WWOX: variants seen among roughly 807,000 people sequenced by gnomAD.
The protein encoded by WWOX is WW domain containing oxidoreductase.
A neutral mutation model predicts 46.2 loss-of-function variants in WWOX; 69 were observed. That is an observed-to-expected ratio of 1.49 (90% CI 1.23 to 1.82). The LOEUF (loss-of-function observed/expected upper bound fraction) is 1.82. WWOX is among the 40% of genes most tolerant of loss of function. The probability of loss-of-function intolerance (pLI) is 0.00; values close to 1 mark genes in which losing one functional copy is unlikely to be tolerated. For synonymous variants in WWOX, 359 were observed against 202.6 expected (o/e 1.77, Z -6.56); for missense variants, 919 against 542.6 (o/e 1.69, Z -6.89).
intron 8 of WWOX, among the ~76,000 whole-genome samples, chr16:79,124,683 G>A (rs73580907): frequency 0.029 from 4,484 of 152,282 alleles, 203 homozygotes; most frequent in African/African-American, 0.1. Flanking sequence ...AGGGTGATGG[G>A]TTGGGCTTAT....
chr16:79,142,877 A>T (rs955021069), intron 8 of WWOX, among the ~76,000 whole-genome samples: 2 of 151,724 alleles, frequency 1.3e-5, no homozygotes, highest in African/African-American at 2.4e-5. Flanking sequence ...TTTTATATAT[A>T]TTTTTTTACA....
chr16:78,857,558 G>A (rs2151187229), intron 8 of WWOX, among the ~76,000 whole-genome samples: 1 of 152,240 alleles, frequency 6.6e-6, no homozygotes, highest in South Asian at 2.1e-4. Context: ...ATCTACCCAA[G>A]CTGACTGTCG....
At chr16:78,358,649 C>G (rs973657882) in intron 5 of WWOX, among the ~76,000 whole-genome samples, 5 of 147,550 alleles carry the variant, frequency 3.4e-5, no homozygotes, top group African/African-American at 1.3e-4. Context: ...CAGAGCAAGA[C>G]TCCGTGTCAA....
chr16:78,452,473 CTCT>C (rs946241395), intron 8 of WWOX, among the ~76,000 whole-genome samples: 2 of 137,292 alleles, frequency 1.5e-5, no homozygotes, highest in African/African-American at 5.8e-5. Context: ...TTCTCTCTCT[CTCT>C]TTTTTTTTTT....
intron 8 of WWOX, among the ~76,000 whole-genome samples, chr16:78,690,876 G>T (rs1476465389): frequency 6.6e-6 from 1 of 152,142 alleles, no homozygotes; most frequent in Non-Finnish European, 1.5e-5. Context: ...TCTTAGCACC[G>T]TATCAATACC....
chr16:78,614,270 C>T (rs180746588), intron 8 of WWOX, among the ~76,000 whole-genome samples: 1 of 152,292 alleles, frequency 6.6e-6, no homozygotes, highest in African/African-American at 2.4e-5. Flanking sequence ...CCAGCTTGGG[C>T]AGTATAGATA....
At chr16:79,161,771 G>A (rs1184379017) in intron 8 of WWOX, among the ~76,000 whole-genome samples, 1 of 152,166 alleles carries the variant, frequency 6.6e-6, no homozygotes, top group Non-Finnish European at 1.5e-5. Context: ...CACCCGCCTT[G>A]GCCTGCCAAA....
intron 5 of WWOX, among the ~76,000 whole-genome samples, chr16:78,306,132 T>G (rs991858915): frequency 1.3e-5 from 2 of 152,130 alleles, no homozygotes; most frequent in African/African-American, 4.8e-5. Flanking sequence ...TTCTAGTAAT[T>G]CATGTTTTTA....
At chr16:78,723,066 C>T (rs1028554222) in intron 8 of WWOX, among the ~76,000 whole-genome samples, 1 of 151,882 alleles carries the variant, frequency 6.6e-6, no homozygotes, top group African/African-American at 2.4e-5. Context: ...TGTGAGGAAG[C>T]CAGGAATGAT....
intron 8 of WWOX, among the ~76,000 whole-genome samples, chr16:78,724,963 A>G (rs757129251): frequency 1.8e-4 from 27 of 152,156 alleles, no homozygotes; most frequent in Non-Finnish European, 3.5e-4. Context: ...TGCTTGTTGC[A>G]TTAATGCACT....
chr16:79,029,227 C>T (rs1037033639), intron 8 of WWOX, among the ~76,000 whole-genome samples: 12 of 152,288 alleles, frequency 7.9e-5, no homozygotes, highest in East Asian at 5.8e-4. Context: ...CACCCCGTCA[C>T]GGCTGGGCCT....
At chr16:78,110,988 A>C (rs2032456673) in intron 3 of WWOX, among the ~76,000 whole-genome samples, 1 of 152,098 alleles carries the variant, frequency 6.6e-6, no homozygotes, top group African/African-American at 2.4e-5. Flanking sequence ...TGGTTAATAG[A>C]AGTTGATTTG....
At chr16:79,083,707 A>G (rs1427455575) in intron 8 of WWOX, among the ~76,000 whole-genome samples, 3 of 152,176 alleles carry the variant, frequency 2.0e-5, no homozygotes, top group Non-Finnish European at 4.4e-5. Flanking sequence ...ACCGATCACT[A>G]ACACCCGGCC....
intron 8 of WWOX, among the ~76,000 whole-genome samples, chr16:78,936,320 G>A (rs1450352638): frequency 6.6e-6 from 1 of 152,138 alleles, no homozygotes; most frequent in African/African-American, 2.4e-5. Context: ...TCCATCCCAA[G>A]CGAGTTTTCC....
intron 8 of WWOX, among the ~76,000 whole-genome samples, chr16:78,827,657 AC>A (rs2151153063): frequency 6.8e-6 from 1 of 146,230 alleles, no homozygotes; most frequent in South Asian, 2.3e-4. Context: ...ACATGGTGAA[AC>A]CCCATCTCTA....
At chr16:78,725,339 C>CTTTTTTTT (rs921746316) in intron 8 of WWOX, among the ~76,000 whole-genome samples, 82 of 86,758 alleles carry the variant, frequency 9.5e-4, no homozygotes, top group African/African-American at 1.5e-3. Context: ...CTTTTCTTTT[C>CTTTTTTTT]TTTTCTTTTT....
chr16:79,041,324 C>G (rs2047966738), intron 8 of WWOX, among the ~76,000 whole-genome samples: 1 of 152,174 alleles, frequency 6.6e-6, no homozygotes, highest in Admixed American at 6.5e-5. Flanking sequence ...CTGTGTGTCA[C>G]CTTCTCTCTG....
chr16:79,137,246 T>G (rs991050277), intron 8 of WWOX, among the ~76,000 whole-genome samples: 2 of 152,210 alleles, frequency 1.3e-5, no homozygotes, highest in Non-Finnish European at 2.9e-5. Context: ...ATAGACCTTA[T>G]AGAAATCACC....
At chr16:79,090,528 A>T (rs2150599705) in intron 8 of WWOX, among the ~76,000 whole-genome samples, 1 of 152,278 alleles carries the variant, frequency 6.6e-6, no homozygotes, top group East Asian at 1.9e-4. Flanking sequence ...CAAGACATGC[A>T]AGCAAGGATA....
Sources: allele counts gnomAD v4.1 joint callset (sites outside exome capture counted in the v4.1 genomes callset), GRCh38; gene constraint gnomAD v4.1.1; transcripts MANE v1.5; gene names NCBI Gene and HGNC (gene_info 2026-07-23, HGNC 2026-07-21).